VAMP3: variants seen among roughly 807,000 people sequenced by gnomAD.
VAMP3 encodes the protein vesicle associated membrane protein 3.
VAMP3 carries 11 observed loss-of-function variants against 18.1 expected under a neutral mutation model. That is an observed-to-expected ratio of 0.61 (90% CI 0.38 to 1.00). The LOEUF (loss-of-function observed/expected upper bound fraction) is 1.00, where lower values mean the gene tolerates loss of function less well. Among genes scored for constraint, VAMP3 ranks in the 50% least tolerant of loss-of-function variants. VAMP3 has a pLI of 0.01. For missense variants in VAMP3, 122 were observed against 127.3 expected, an observed-to-expected ratio of 0.96 and a Z score of 0.20; for synonymous variants, 49 against 43.1, an observed-to-expected ratio of 1.14 and a Z score of -0.53.
intron 1 of VAMP3, chr1:7,773,164 A>C (rs967553672): frequency 1.8e-4 from 70 of 389,832 alleles, no homozygotes; most frequent in Non-Finnish European, 2.3e-4. Flanking sequence ...AGTAGAGCTT[A>C]CCTATCGTGG....
intron 2 of VAMP3, among the ~76,000 whole-genome samples, chr1:7,774,539 GC>G (rs1407789926): frequency 3.3e-5 from 5 of 152,020 alleles, no homozygotes; most frequent in African/African-American, 9.7e-5. Context: ...AACACCTCAT[GC>G]CCATTTAGTA....
At position 7,781,189 on chromosome 1, in the gene VAMP3, C is replaced by T. The variant is rs951594923; in HGVS notation, c.*1544C>T. On this transcript the variant is annotated 3_prime_UTR_variant, in exon 5 of 5. Transcript: ENST00000054666. ...AAATGATTTACTGTTGAAGAGATGC[C>T]TTGCGGTGTGGCCAGCTGTGAGGAG... 1 of 152,786 alleles carries T rather than the reference C, an allele frequency of 6.5e-6. No individual in the cohort carries two copies. Among genetic ancestry groups the T allele is most frequent in the African/African-American group, 2.4e-5 (1 of 41,454 alleles). 9.5% of individuals were successfully genotyped at this position (152,786 alleles called of 1,614,324 possible).
In VAMP3 at chr1:7,777,257, C is replaced by T. The variant is rs541622542; in HGVS notation, c.170C>T (p.Ala57Val). The change falls in exon 3 of 5, where the codon GCT (alanine) becomes GTT (valine). Residue 57 changes from alanine to valine, a missense_variant. Coordinates refer to ENST00000054666, the MANE Select transcript of VAMP3 (RefSeq NM_004781.4). ...DDRADALQAGASQFETSAAKL... is the reference protein window; with the variant it reads ...DDRADALQAGVSQFETSAAKL... ...CGTGCAGACGCACTGCAGGCAGGCG[C>T]TTCTCAATTTGAAACGAGCGCAGCC... The T allele has an allele frequency of 2.5e-6, 4 of 1,613,796 alleles. No individual in the cohort carries two copies. In the East Asian group the frequency reaches 8.9e-5, roughly 36 times the overall value.
Position 7,777,247 on chromosome 1 carries a change from C to A in VAMP3, c.160C>A (p.Gln54Lys). ...SELDDRADAL[Q>K]AGASQFETSA... ...GTTAGACGACCGTGCAGACGCACTG[C>A]AGGCAGGCGCTTCTCAATTTGAAAC... The change falls in exon 3 of 5, where the codon CAG (glutamine) becomes AAG (lysine). Residue 54 changes from glutamine (Q) to lysine (K), a missense_variant. Physicochemically the swap from Gln to Lys is moderately conservative, Grantham distance 53 (BLOSUM62 1). Transcript: ENST00000054666. The A allele has an allele frequency of 6.2e-7, 1 of 1,613,720 alleles. No homozygotes were observed. The highest frequency in any genetic ancestry group is 2.2e-5 in the East Asian group (1 of 44,900).
rs753637786 is a variant in VAMP3 at position 7,777,318 on chromosome 1, G to A, written c.231G>A (p.Lys77=). ...GGAAATATTGGTGGAAGAATTGCAA[G>A]GTAATTATCTTTTAACTGACCTTTA... ...LKRKYWWKNC[K]MWAIGITVLV... is the part of the protein sequence containing the mutation. Residue 77 remains lysine (K), a splice_region_variant and synonymous_variant, in exon 3 of 5, where the codon AAG becomes AAA. Coordinates refer to ENST00000054666, the MANE Select transcript of VAMP3 (RefSeq NM_004781.4). 1.9e-6 allele frequency: 3 copies of A among 1,610,282 alleles called. No homozygotes were observed. The highest frequency in any genetic ancestry group is 1.7e-6 in the Non-Finnish European group (2 of 1,178,082).
rs546754051 is a variant in VAMP3 at position 7,778,596 on chromosome 1, A to C, written c.283+427A>C. 6.6e-5 allele frequency among the ~76,000 whole-genome samples: 10 copies of C among 152,276 alleles called. No individual in the cohort carries two copies. The East Asian group carries it at 1.9e-3, about 29-fold the overall frequency. ...TCAGTTTTCTTTAATAAATGTTTTA[A>C]GTACTTGAGTTTTGTATAAGTCTGA... On this transcript the variant is annotated intron_variant, in intron 4 of 4. Coordinates refer to ENST00000054666, the MANE Select transcript of VAMP3 (RefSeq NM_004781.4).
Position 7,780,237 on chromosome 1 carries a change from C to T in VAMP3, c.*592C>T, listed in dbSNP as rs1280253844. 6.5e-6 allele frequency: 1 copy of T among 152,818 alleles called. No homozygotes were observed. Among genetic ancestry groups the T allele is most frequent in the Non-Finnish European group, 1.5e-5 (1 of 68,106 alleles). 9.5% of individuals were successfully genotyped at this position (152,818 alleles called of 1,614,324 possible). A position where few individuals can be genotyped will look rare whatever the true frequency, so the allele number is the denominator to read the frequency against. On this transcript the variant is annotated 3_prime_UTR_variant, in exon 5 of 5. Transcript: ENST00000054666. Reference sequence around the variant, plus strand: ...ACATTGTTGTTATTGTTATGTATCACTTGCTAAAAATATTGTTTTAATCAG... The same window carrying T: ...ACATTGTTGTTATTGTTATGTATCATTTGCTAAAAATATTGTTTTAATCAG...
chr1:7,774,025 CTGTT>C (rs1248191794), intron 2 of VAMP3, among the ~76,000 whole-genome samples: 2 of 152,204 alleles, frequency 1.3e-5, no homozygotes, highest in Admixed American at 6.5e-5. Context: ...CAGCAAATCT[CTGTT>C]TGTAGAATTC....
chr1:7,778,838 A>G (rs1354823053), intron 4 of VAMP3, among the ~76,000 whole-genome samples: 2 of 152,024 alleles, frequency 1.3e-5, no homozygotes, highest in Non-Finnish European at 2.9e-5. Context: ...CATTTGTAAA[A>G]TGGGGATAAT....
Position 7,778,165 on chromosome 1 carries a change from C to G in VAMP3, c.279C>G (p.Ile93Met). ...ITVLVIFIII[I>M]IVWVVSS is the part of the protein sequence containing the mutation. ...TTCTGGTTATCTTCATCATCATCAT[C>G]ATCGGTGAGTTACCCTTTTCTAAAC... Residue 93 changes from isoleucine to methionine, a missense_variant, in exon 4 of 5, where the codon ATC becomes ATG. Physicochemically the swap from Ile to Met is conservative, Grantham distance 10 (BLOSUM62 1). Coordinates refer to ENST00000054666, the MANE Select transcript of VAMP3 (RefSeq NM_004781.4). 6.2e-7 allele frequency: 1 copy of G among 1,614,178 alleles called. No individual in the cohort carries two copies. Among genetic ancestry groups the G allele is most frequent in the Non-Finnish European group, 8.5e-7 (1 of 1,180,028 alleles).
intron 4 of VAMP3, among the ~76,000 whole-genome samples, chr1:7,779,376 C>T (rs188961483): frequency 6.6e-6 from 1 of 152,278 alleles, no homozygotes; most frequent in East Asian, 1.9e-4. Context: ...CGAAACATGA[C>T]TTCTTTCATT....
intron 2 of VAMP3, 40 bp from the exon 3 acceptor site, chr1:7,777,120 C>A: frequency 6.4e-7 from 1 of 1,572,926 alleles, no homozygotes; most frequent in Non-Finnish European, 8.7e-7. Context: ...CCTGTTCCTC[C>A]ATTCTTTGTG....
At chr1:7,772,039 G>T (rs1009437919) in intron 1 of VAMP3, among the ~76,000 whole-genome samples, 1 of 152,200 alleles carries the variant, frequency 6.6e-6, no homozygotes, top group Non-Finnish European at 1.5e-5. Flanking sequence ...GACCCCCCTC[G>T]AATGTTCCTG....
Position 7,779,727 on chromosome 1 carries a change from C to G in VAMP3, c.*82C>G. ...AGAACCTGCTATATTATCAAGCTTA[C>G]CTACTGTTATCTCTAAAATTTTTTT... On this transcript the variant is annotated 3_prime_UTR_variant, in exon 5 of 5. Coordinates refer to ENST00000054666, the MANE Select transcript of VAMP3 (RefSeq NM_004781.4). 6.3e-7 allele frequency: 1 copy of G among 1,577,194 alleles called. No homozygotes were observed. Among genetic ancestry groups the G allele is most frequent in the Non-Finnish European group, 8.6e-7 (1 of 1,158,616 alleles).
At position 7,773,649 on chromosome 1, in the gene VAMP3, C is replaced by T. The variant is rs578031276; in HGVS notation, c.72+138C>T. ...CATAATTGTAACGAAACTTTGCTCCCTGCTGTGCTGGAAGATCTAATCTAA... is the reference window on the plus strand; with the variant it reads ...CATAATTGTAACGAAACTTTGCTCCTTGCTGTGCTGGAAGATCTAATCTAA... On this transcript the variant is annotated intron_variant, in intron 2 of 4. Transcript: ENST00000054666. The T allele has an allele frequency of 4.7e-4, 386 of 820,886 alleles. 3 individuals are homozygous for T. Among genetic ancestry groups the T allele is most frequent in the South Asian group, 2.6e-3 (148 of 55,934 alleles). 50.9% of individuals were successfully genotyped at this position (820,886 alleles called of 1,614,324 possible).
At chr1:7,777,773 G>A (rs545870294) in intron 3 of VAMP3, among the ~76,000 whole-genome samples, 20 of 152,288 alleles carry the variant, frequency 1.3e-4, no homozygotes, top group African/African-American at 3.8e-4. Flanking sequence ...TACAGTTAGC[G>A]TGCTGCAATC....
chr1:7,774,749 C>T (rs1382298005), intron 2 of VAMP3, among the ~76,000 whole-genome samples: 1 of 152,150 alleles, frequency 6.6e-6, no homozygotes, highest in African/African-American at 2.4e-5. Context: ...TTCCTTTTTA[C>T]GGTTGAGTAA....
intron 1 of VAMP3, chr1:7,773,159 A>G (rs1304144493): frequency 7.9e-6 from 3 of 379,994 alleles, no homozygotes; most frequent in Admixed American, 8.8e-5. Flanking sequence ...AGGACAGTAG[A>G]GCTTACCTAT....
chr1:7,779,479 A>T (rs2097055992), intron 4 of VAMP3, 147 bp from the exon 5 acceptor site: 1 of 1,094,050 alleles, frequency 9.1e-7, no homozygotes, highest in South Asian at 1.5e-5. Flanking sequence ...AGCCCTCTAT[A>T]GAATGGAGAG....
Sources: allele counts gnomAD v4.1 joint callset (sites outside exome capture counted in the v4.1 genomes callset), GRCh38; gene constraint gnomAD v4.1.1; transcripts MANE v1.5; gene names NCBI Gene and HGNC (gene_info 2026-07-23, HGNC 2026-07-21).